Variants in GAREM1 observed in about 807,000 individuals in gnomAD.
GAREM1 encodes GRB2-associated and regulator of MAPK protein 1.
GAREM1 carries 26 observed loss-of-function variants against 71.3 expected under a neutral mutation model. The ratio of observed to expected loss-of-function variants is 0.36; its 90% confidence interval spans 0.27 to 0.51. The LOEUF (loss-of-function observed/expected upper bound fraction) is 0.51, where lower values mean the gene tolerates loss of function less well. GAREM1 is among the 20% of genes least tolerant of loss of function. The pLI is 0.95. For synonymous variants in GAREM1, 440 were observed against 433.2 expected (o/e 1.02, Z -0.20); for missense variants, 1,026 against 1,103.1 (o/e 0.93, Z 0.99).
intron 4 of GAREM1, among the ~76,000 whole-genome samples, chr18:32,278,135 TA>T: frequency 6.6e-6 from 1 of 152,262 alleles, no homozygotes; most frequent in East Asian, 1.9e-4. Flanking sequence ...TTAAGAAACG[TA>T]AAAGGACAGT....
chr18:32,443,111 C>T (rs1168486673), intron 1 of GAREM1, among the ~76,000 whole-genome samples: 1 of 152,016 alleles, frequency 6.6e-6, no homozygotes, highest in Non-Finnish European at 1.5e-5. Flanking sequence ...ACAGATAACT[C>T]TCATTAAAAA....
chr18:32,268,064 A>G lies in GAREM1; in HGVS notation c.2438T>C (p.Ile813Thr). The G allele has an allele frequency of 1.2e-6, 2 of 1,614,110 alleles. No homozygotes were observed. The highest frequency in any genetic ancestry group is 1.7e-6 in the Non-Finnish European group (2 of 1,179,980). Residue 813 changes from isoleucine (I) to threonine (T), a missense_variant, in exon 6 of 6, where the codon ATA (isoleucine) becomes ACA (threonine). Physicochemically the swap from Ile to Thr is moderately conservative, Grantham distance 89 (BLOSUM62 -1). This residue lies in a region of GAREM1 where 636 missense variants were observed against 631.2 expected (regional missense o/e 1.01). Transcript: ENST00000269209. The stretch of plus-strand genomic sequence containing the variant: ...CCGTAGTGACTTGGACACTTCCTCT[A>G]TAGAGAGTCCTGATAGGTCAGCAGG... ...QPPADLSGLS[I>T]EEVSKSLRFI...
intron 3 of GAREM1, among the ~76,000 whole-genome samples, chr18:32,297,172 A>G (rs1438210078): frequency 6.6e-6 from 1 of 152,220 alleles, no homozygotes; most frequent in African/African-American, 2.4e-5. Context: ...TGTTTCTTAC[A>G]GTAAAGGTTT....
chr18:32,332,003 G>A (rs1429750434), intron 2 of GAREM1, among the ~76,000 whole-genome samples: 4 of 151,034 alleles, frequency 2.6e-5, no homozygotes, highest in African/African-American at 9.8e-5. Flanking sequence ...AGAACTGACT[G>A]TGTCCTTTCG....
chr18:32,333,373 C>T (rs16963129), intron 2 of GAREM1, among the ~76,000 whole-genome samples: 9,644 of 151,996 alleles, frequency 0.063, 498 homozygotes, highest in African/African-American at 0.14. Context: ...AGAGGAGTCC[C>T]AAGGAGAGTT....
chr18:32,277,855 G>A (rs1260577751), intron 4 of GAREM1, among the ~76,000 whole-genome samples: 1 of 152,234 alleles, frequency 6.6e-6, no homozygotes, highest in East Asian at 1.9e-4. Context: ...GTGGAAAGCA[G>A]AGTTACATGT....
chr18:32,377,587 G>A lies in GAREM1; in HGVS notation c.262+15308C>T, dbSNP rs139351816. ...GAAGATTATTTCTTTTTTTTGAGAC[G>A]GAGTCTCGTTCTGTCGCCCAGGCTG... On this transcript the variant is annotated intron_variant, in intron 2 of 5. Coordinates refer to ENST00000269209, the MANE Select transcript of GAREM1 (RefSeq NM_001242409.2). 2.8e-3 allele frequency among the ~76,000 whole-genome samples: 419 copies of A among 152,142 alleles called. 1 individual carries two copies. Among genetic ancestry groups the A allele is most frequent in the Non-Finnish European group, 4.2e-3 (283 of 67,986 alleles).
At chr18:32,469,020 T>C (rs2049025341) in intron 1 of GAREM1, among the ~76,000 whole-genome samples, 1 of 126,426 alleles carries the variant, frequency 7.9e-6, no homozygotes, top group Non-Finnish European at 1.6e-5. Context: ...ACTTCATTAC[T>C]AGTTTTAAAA....
intron 1 of GAREM1, among the ~76,000 whole-genome samples, chr18:32,468,368 A>T (rs1234393451): frequency 6.6e-6 from 1 of 152,218 alleles, no homozygotes; most frequent in Non-Finnish European, 1.5e-5. Flanking sequence ...ATGAGATGGG[A>T]TTGTTAAGTG....
chr18:32,311,881 G>T (rs1024907042), intron 2 of GAREM1, among the ~76,000 whole-genome samples: 1 of 152,236 alleles, frequency 6.6e-6, no homozygotes, highest in Non-Finnish European at 1.5e-5. Flanking sequence ...CCTCTAGCTG[G>T]CATGTTGAGA....
intron 2 of GAREM1, among the ~76,000 whole-genome samples, chr18:32,365,018 A>G (rs1188717282): frequency 2.6e-5 from 4 of 152,218 alleles, no homozygotes; most frequent in African/African-American, 9.6e-5. Context: ...TGAGTGGCAA[A>G]GCAAAAACTC....
At chr18:32,281,885 G>C in intron 4 of GAREM1, among the ~76,000 whole-genome samples, 1 of 152,144 alleles carries the variant, frequency 6.6e-6, no homozygotes, top group Admixed American at 6.5e-5. Context: ...AATATGCCCT[G>C]CCCCACCTTA....
chr18:32,447,903 T>C (rs2048799596), intron 1 of GAREM1, among the ~76,000 whole-genome samples: 1 of 152,188 alleles, frequency 6.6e-6, no homozygotes, highest in South Asian at 2.1e-4. Context: ...TTTGTTATTA[T>C]TGAGGTGTTG....
intron 1 of GAREM1, among the ~76,000 whole-genome samples, chr18:32,434,035 A>G (rs922795936): frequency 6.6e-6 from 1 of 152,188 alleles, no homozygotes; most frequent in Non-Finnish European, 1.5e-5. Context: ...AGACTGAACT[A>G]TACTCAAGAC....
At chr18:32,424,580 A>G (rs929393302) in intron 1 of GAREM1, among the ~76,000 whole-genome samples, 1 of 152,206 alleles carries the variant, frequency 6.6e-6, no homozygotes, top group African/African-American at 2.4e-5. Context: ...GCAAAAAACC[A>G]AACAACAAAA....
intron 2 of GAREM1, among the ~76,000 whole-genome samples, chr18:32,389,961 C>T (rs896308489): frequency 1.2e-4 from 19 of 152,066 alleles, no homozygotes; most frequent in African/African-American, 4.6e-4. Context: ...TTGCTTGAGA[C>T]CTGGAGTTTG....
At chr18:32,462,981 A>G (rs1280777516) in intron 1 of GAREM1, among the ~76,000 whole-genome samples, 1 of 152,158 alleles carries the variant, frequency 6.6e-6, no homozygotes, top group South Asian at 2.1e-4. Context: ...ACAATTAAAT[A>G]AAAGGAAGAA....
intron 2 of GAREM1, among the ~76,000 whole-genome samples, chr18:32,365,899 TA>T (rs1473376724): frequency 2.0e-5 from 3 of 152,186 alleles, no homozygotes; most frequent in Non-Finnish European, 4.4e-5. Context: ...ATTCCATGGC[TA>T]GGGGAGGATT....
At chr18:32,447,469 A>T (rs763244094) in intron 1 of GAREM1, among the ~76,000 whole-genome samples, 4 of 152,198 alleles carry the variant, frequency 2.6e-5, no homozygotes, top group Non-Finnish European at 4.4e-5. Context: ...ATTATAAATA[A>T]ATTCCCTTTA....
Sources: allele counts gnomAD v4.1 joint callset (sites outside exome capture counted in the v4.1 genomes callset), GRCh38; gene constraint gnomAD v4.1.1; regional missense constraint gnomAD v4.1.1; transcripts MANE v1.5; gene names NCBI Gene and HGNC (gene_info 2026-07-23, HGNC 2026-07-21).